The following TNS3 variants were observed in gnomAD, a reference collection of about 807,000 sequenced individuals.
TNS3 encodes tensin 3, also known as tensin-3.
In TNS3, 45 loss-of-function variants were observed where a neutral mutation model predicts 140.9. The ratio of observed to expected loss-of-function variants is 0.32; its 90% CI spans 0.25 to 0.41. The LOEUF (loss-of-function observed/expected upper bound fraction) is 0.41. Ranked by LOEUF, TNS3 falls within the 10% of genes least tolerant of loss-of-function variation. The probability of loss-of-function intolerance (pLI) is 1.00; values close to 1 mark genes in which losing one functional copy is unlikely to be tolerated. For synonymous variants in TNS3, 815 were observed against 788.4 expected, an observed-to-expected ratio of 1.03 and a Z score of -0.56; for missense variants, 1,716 against 1,906.7, an observed-to-expected ratio of 0.90 and a Z score of 1.86.
At chr7:47,423,808 C>A (rs1200681758) in intron 10 of TNS3, among the ~76,000 whole-genome samples, 1 of 152,162 alleles carries the variant, frequency 6.6e-6, no homozygotes, top group Non-Finnish European at 1.5e-5. Context: ...TAATGGAAAT[C>A]AAAACTCACT....
chr7:47,321,764 A>G (rs971033113), intron 20 of TNS3, among the ~76,000 whole-genome samples: 1 of 152,182 alleles, frequency 6.6e-6, no homozygotes. Flanking sequence ...GTTCAGAAAG[A>G]CCTTCGCTCA....
chr7:47,499,702 G>A (rs771271885), intron 3 of TNS3, among the ~76,000 whole-genome samples: 7 of 152,164 alleles, frequency 4.6e-5, no homozygotes, highest in Admixed American at 1.3e-4. Context: ...AGCGGCTGCC[G>A]GGGTGCAGGA....
chr7:47,406,893 T>C (rs1381412004), intron 13 of TNS3, among the ~76,000 whole-genome samples: 2 of 152,068 alleles, frequency 1.3e-5, no homozygotes, highest in Non-Finnish European at 2.9e-5. Context: ...AAGGGCAAAG[T>C]GAAGGCGGCG....
intron 6 of TNS3, among the ~76,000 whole-genome samples, chr7:47,438,003 T>A (rs891842187): frequency 6.7e-6 from 1 of 150,216 alleles, no homozygotes; most frequent in Non-Finnish European, 1.5e-5. Context: ...CAGCCATTTG[T>A]GGAACCTTGC....
chr7:47,314,147 C>G (rs1268208156), intron 20 of TNS3, among the ~76,000 whole-genome samples: 1 of 152,240 alleles, frequency 6.6e-6, no homozygotes, highest in Non-Finnish European at 1.5e-5. Flanking sequence ...TTAGATGGGC[C>G]TTGGCATTCC....
Position 47,525,864 on chromosome 7 carries a change from C to A in TNS3, c.-153+3172G>T, listed in dbSNP as rs150756847. ...CCTCACCCCTCCGTAATATTTCACA[C>A]GCCACATATTTAAAATACCACAAAA... On this transcript the variant is annotated intron_variant, in intron 2 of 30. Coordinates refer to ENST00000311160, the MANE Select transcript of TNS3 (RefSeq NM_022748.12). Among the ~76,000 whole-genome samples the A allele has an allele frequency of 2.1e-3, 325 of 152,342 alleles. 1 individual carries two copies. Among genetic ancestry groups the A allele is most frequent in the Non-Finnish European group, 3.8e-3 (257 of 68,034 alleles).
chr7:47,483,805 A>G (rs1172084656), intron 3 of TNS3, among the ~76,000 whole-genome samples: 3 of 152,222 alleles, frequency 2.0e-5, no homozygotes, highest in African/African-American at 7.2e-5. Context: ...CACGGCTTAT[A>G]TGGCTAACCG....
chr7:47,436,818 T>G (rs1224789408), intron 7 of TNS3, among the ~76,000 whole-genome samples: 1 of 152,158 alleles, frequency 6.6e-6, no homozygotes, highest in African/African-American at 2.4e-5. Flanking sequence ...ATATATGCAG[T>G]ATATATGAAA....
intron 18 of TNS3, 120 bp downstream of exon 18, chr7:47,346,067 G>T: frequency 7.6e-7 from 1 of 1,307,298 alleles, no homozygotes; most frequent in Non-Finnish European, 1.1e-6. Flanking sequence ...AGGTGGGTGC[G>T]GAGGATAATG....
chr7:47,577,916 G>C (rs1800711823), intron 1 of TNS3, among the ~76,000 whole-genome samples: 2 of 152,044 alleles, frequency 1.3e-5, no homozygotes, highest in South Asian at 4.1e-4. Flanking sequence ...ACCTCCCTCT[G>C]CCAGAGGGAA....
At chr7:47,451,632 A>G (rs1036916626) in intron 4 of TNS3, among the ~76,000 whole-genome samples, 4 of 152,200 alleles carry the variant, frequency 2.6e-5, no homozygotes, top group African/African-American at 9.6e-5. Flanking sequence ...ATCCACAAGG[A>G]AGCAGGACTA....
At chr7:47,544,344 C>G (rs978697808) in intron 1 of TNS3, among the ~76,000 whole-genome samples, 27 of 152,170 alleles carry the variant, frequency 1.8e-4, no homozygotes, top group African/African-American at 4.3e-4. Flanking sequence ...CATGGTAAAA[C>G]GGACCCCCAC....
At chr7:47,375,769 C>G (rs983161529) in intron 16 of TNS3, among the ~76,000 whole-genome samples, 1 of 152,238 alleles carries the variant, frequency 6.6e-6, no homozygotes, top group Non-Finnish European at 1.5e-5. Context: ...CAGCTGATCT[C>G]ACACTTCAGC....
chr7:47,563,880 G>A (rs889001565), intron 1 of TNS3, among the ~76,000 whole-genome samples: 3 of 152,196 alleles, frequency 2.0e-5, no homozygotes, highest in African/African-American at 7.2e-5. Context: ...GATGTTGCAT[G>A]AGGGTATTTT....
chr7:47,522,874 G>A (rs1333972707), intron 2 of TNS3, among the ~76,000 whole-genome samples: 1 of 150,504 alleles, frequency 6.6e-6, no homozygotes, highest in African/African-American at 2.4e-5. Context: ...CTTGCTGTGA[G>A]CTGAGATCGC....
chr7:47,415,076 G>T lies in TNS3; in HGVS notation c.586+18C>A. On this transcript the variant is annotated intron_variant, in intron 11 of 30. Coordinates refer to ENST00000311160, the MANE Select transcript of TNS3 (RefSeq NM_022748.12). The stretch of plus-strand genomic sequence containing the variant: ...TGGGCCAGCCAATCGCAGGTGCCAC[G>T]TCATAGGGGACACTCACCTCCACCT... 1 of 1,592,896 alleles carries T rather than the reference G, an allele frequency of 6.3e-7. No individual in the cohort carries two copies. The highest frequency in any genetic ancestry group is 8.6e-7 in the Non-Finnish European group (1 of 1,164,562).
At chr7:47,379,266 A>C in intron 16 of TNS3, among the ~76,000 whole-genome samples, 1 of 152,310 alleles carries the variant, frequency 6.6e-6, no homozygotes, top group South Asian at 2.1e-4. Context: ...GTTCCTTCTC[A>C]AGGGGCGTTG....
intron 1 of TNS3, among the ~76,000 whole-genome samples, chr7:47,578,778 T>G (rs548653741): frequency 5.3e-5 from 8 of 152,320 alleles, no homozygotes; most frequent in African/African-American, 1.9e-4. Context: ...TCTAGTTTTC[T>G]GCTTTTACGA....
At position 47,301,723 on chromosome 7, in the gene TNS3, G is replaced by A. The variant is rs145603695; in HGVS notation, c.3544+463C>T. On this transcript the variant is annotated intron_variant, in intron 23 of 30. Coordinates refer to ENST00000311160, the MANE Select transcript of TNS3 (RefSeq NM_022748.12). Reference sequence around the variant, plus strand: ...GAGGCATGCGGCTAAGTCCACAACCGGGTCTCATTATTAAGTGCTTATGTA... The same window carrying A: ...GAGGCATGCGGCTAAGTCCACAACCAGGTCTCATTATTAAGTGCTTATGTA... Among the ~76,000 whole-genome samples, 14 of 151,696 alleles carry A rather than the reference G, an allele frequency of 9.2e-5. No homozygotes were observed. In the East Asian group the frequency reaches 1.4e-3, roughly 15 times the overall value.
Sources: allele counts gnomAD v4.1 joint callset (sites outside exome capture counted in the v4.1 genomes callset), GRCh38; gene constraint gnomAD v4.1.1; transcripts MANE v1.5; gene names NCBI Gene and HGNC (gene_info 2026-07-23, HGNC 2026-07-21).